FRK: variants seen among roughly 807,000 people sequenced by gnomAD.
FRK encodes fyn related Src family tyrosine kinase.
FRK carries 51 observed loss-of-function variants against 56.4 expected under a neutral mutation model. That is an observed-to-expected ratio of 0.90 (90% CI 0.72 to 1.14). The LOEUF (loss-of-function observed/expected upper bound fraction) is 1.14, where lower values mean the gene tolerates loss of function less well. Ranked by LOEUF, FRK falls within the 50% of genes most tolerant of loss-of-function variation. FRK has a pLI of 0.00. For synonymous variants in FRK, 245 were observed against 217.9 expected (o/e 1.12, Z -1.10); for missense variants, 570 against 601.4 (o/e 0.95, Z 0.55).
At position 116,027,673 on chromosome 6, in the gene FRK, T is replaced by C. The variant is rs376981621; in HGVS notation, c.345-23675A>G. Among the ~76,000 whole-genome samples the C allele has an allele frequency of 4.0e-5, 6 of 151,506 alleles. No homozygotes were observed. In the East Asian group the frequency reaches 7.8e-4, roughly 20 times the overall value. ...GCATAAAGTAAGAACTATTCAAAAGTAAAAGGGAAAGAAGAACATTTGTAA... is the reference window on the plus strand; with the variant it reads ...GCATAAAGTAAGAACTATTCAAAAGCAAAAGGGAAAGAAGAACATTTGTAA... On this transcript the variant is annotated intron_variant, in intron 1 of 7. Coordinates refer to ENST00000606080, the MANE Select transcript of FRK (RefSeq NM_002031.3).
At chr6:115,973,240 A>G (rs2114615674) in intron 2 of FRK, among the ~76,000 whole-genome samples, 1 of 152,324 alleles carries the variant, frequency 6.6e-6, no homozygotes, top group Admixed American at 6.5e-5. Context: ...TTCTATCAGG[A>G]TATAGAGCTT....
At chr6:116,010,160 T>G (rs562077279) in intron 1 of FRK, among the ~76,000 whole-genome samples, 1 of 151,776 alleles carries the variant, frequency 6.6e-6, no homozygotes, top group Admixed American at 6.6e-5. Context: ...AGGCGGAGGT[T>G]GCAGTGAGCC....
chr6:116,035,887 T>C, intron 1 of FRK, among the ~76,000 whole-genome samples: 1 of 152,106 alleles, frequency 6.6e-6, no homozygotes, highest in East Asian at 1.9e-4. Flanking sequence ...CACTTGCTAC[T>C]TTCCTTTTAT....
intron 1 of FRK, among the ~76,000 whole-genome samples, chr6:116,041,019 T>G (rs1250545907): frequency 6.6e-6 from 1 of 152,166 alleles, no homozygotes; most frequent in Non-Finnish European, 1.5e-5. Flanking sequence ...TCTATTGGGA[T>G]TCTTTGGTCT....
chr6:116,038,643 T>G, intron 1 of FRK: 2 of 316,308 alleles, frequency 6.3e-6, no homozygotes, highest in African/African-American at 2.2e-5. Context: ...ACAACACAGG[T>G]TCTTACATTT....
At chr6:115,980,418 C>T (rs145513644) in intron 2 of FRK, among the ~76,000 whole-genome samples, 2 of 151,894 alleles carry the variant, frequency 1.3e-5, no homozygotes, top group African/African-American at 4.8e-5. Context: ...CATGAGGATA[C>T]ATCTGGCAGC....
Position 115,939,547 on chromosome 6 carries a change from T to C in FRK, c.*2867A>G, listed in dbSNP as rs1237385621. On this transcript the variant is annotated 3_prime_UTR_variant, in exon 8 of 8. Transcript: ENST00000606080. The stretch of plus-strand genomic sequence containing the variant: ...GGAAAACAGGAAGTAAAATTGTCTC[T>C]GTTTGCAGATGATATGAATTGTATA... 2 of 152,230 alleles carry C rather than the reference T, an allele frequency of 1.3e-5. No homozygotes were observed. Among genetic ancestry groups the C allele is most frequent in the African/African-American group, 4.8e-5 (2 of 41,452 alleles). 9.4% of individuals were successfully genotyped at this position (152,230 alleles called of 1,614,324 possible).
At chr6:116,052,383 T>A (rs1777212610) in intron 1 of FRK, among the ~76,000 whole-genome samples, 1 of 152,116 alleles carries the variant, frequency 6.6e-6, no homozygotes, top group African/African-American at 2.4e-5. Context: ...AGAAGAGGTG[T>A]CTCTGTGGGC....
chr6:116,099,757 G>T, the FRK span, among the ~76,000 whole-genome samples: 1 of 152,312 alleles, frequency 6.6e-6, no homozygotes, highest in African/African-American at 2.4e-5. Flanking sequence ...ATTAGTATTT[G>T]AAAGGGTTAA....
At chr6:116,012,502 GT>G (rs1775509644) in intron 1 of FRK, among the ~76,000 whole-genome samples, 1 of 152,140 alleles carries the variant, frequency 6.6e-6, no homozygotes, top group African/African-American at 2.4e-5. Context: ...TTAAATTCTT[GT>G]TTAGATTATT....
chr6:116,050,721 T>C (rs576075053), intron 1 of FRK, among the ~76,000 whole-genome samples: 1 of 152,342 alleles, frequency 6.6e-6, no homozygotes, highest in Non-Finnish European at 1.5e-5. Context: ...TTAATTTTCA[T>C]ATCTCCCACT....
At chr6:115,999,102 C>A (rs1428768994) in intron 2 of FRK, among the ~76,000 whole-genome samples, 1 of 152,050 alleles carries the variant, frequency 6.6e-6, no homozygotes, top group Non-Finnish European at 1.5e-5. Context: ...GAATACCAAC[C>A]AGTAAATTAA....
chr6:116,034,034 C>T (rs534270486), intron 1 of FRK, among the ~76,000 whole-genome samples: 2 of 152,140 alleles, frequency 1.3e-5, no homozygotes, highest in South Asian at 4.1e-4. Context: ...TCGGCCTGAG[C>T]AAATGGAGGA....
At chr6:116,021,024 G>T (rs12214881) in intron 1 of FRK, among the ~76,000 whole-genome samples, 58,485 of 151,902 alleles carry the variant, frequency 0.39, 11,659 homozygotes, top group Middle Eastern at 0.5. Flanking sequence ...TGTTTGCTTT[G>T]AAATGTAATA....
chr6:116,044,757 T>G (rs551371202), intron 1 of FRK, among the ~76,000 whole-genome samples: 2 of 152,114 alleles, frequency 1.3e-5, no homozygotes, highest in African/African-American at 2.4e-5. Flanking sequence ...GAGAAAGAAA[T>G]AAAGAGTATT....
intron 5 of FRK, among the ~76,000 whole-genome samples, chr6:115,951,880 T>C (rs528577792): frequency 6.6e-6 from 1 of 152,292 alleles, no homozygotes; most frequent in East Asian, 1.9e-4. Context: ...AAACCTATGA[T>C]GATTTACATT....
the FRK span, among the ~76,000 whole-genome samples, chr6:116,081,436 C>T: frequency 6.6e-6 from 1 of 152,148 alleles, no homozygotes; most frequent in South Asian, 2.1e-4. Context: ...GTGGGCGGAT[C>T]ACCTGAGGTC....
At chr6:116,011,472 GA>G (rs1369396426) in intron 1 of FRK, among the ~76,000 whole-genome samples, 100 of 142,800 alleles carry the variant, frequency 7.0e-4, no homozygotes, top group African/African-American at 1.6e-3. Flanking sequence ...CTAGTTCCAG[GA>G]AAAAAAAAAA....
the FRK span, among the ~76,000 whole-genome samples, chr6:116,094,985 T>C: frequency 1.2e-4 from 19 of 152,270 alleles, no homozygotes; most frequent in Non-Finnish European, 1.2e-4. Flanking sequence ...TAATTGATAA[T>C]TGAAGGTCTT....
Sources: gnomAD v4.1 joint callset for allele counts (sites outside exome capture counted in the v4.1 genomes callset) on GRCh38, gnomAD v4.1.1 for gene constraint, MANE v1.5 for transcripts, NCBI Gene and HGNC (gene_info 2026-07-23, HGNC 2026-07-21) for gene names.